The following MAN2A1 variants were observed in gnomAD, a reference collection of about 807,000 sequenced individuals.
MAN2A1 encodes the protein mannosidase alpha class 2A member 1.
Under a neutral mutation model 142.6 loss-of-function variants are expected in MAN2A1, and 76 were observed. The ratio of observed to expected loss-of-function variants is 0.53; its 90% CI spans 0.44 to 0.65. The LOEUF is 0.65. MAN2A1 is among the 30% of genes least tolerant of loss of function. The probability of loss-of-function intolerance (pLI) is 0.00; values close to 1 mark genes in which losing one functional copy is unlikely to be tolerated. For synonymous variants in MAN2A1, 559 were observed against 473.2 expected, an observed-to-expected ratio of 1.18 and a Z score of -2.35; for missense variants, 1,311 against 1,365.1, an observed-to-expected ratio of 0.96 and a Z score of 0.62.
intron 15 of MAN2A1, among the ~76,000 whole-genome samples, chr5:109,822,024 A>G (rs1754637357): frequency 6.6e-6 from 1 of 151,950 alleles, no homozygotes; most frequent in Admixed American, 6.6e-5. Flanking sequence ...CTATCTCCTG[A>G]AAAAGTTACT....
chr5:109,770,653 G>T lies in MAN2A1; in HGVS notation c.1196+112G>T, dbSNP rs1753121828. Reference sequence around the variant, plus strand: ...TTATTAGCCAACATTATCCTTGTTTGAAGTATTCATTCAAACCAGATCTAA... The same window carrying T: ...TTATTAGCCAACATTATCCTTGTTTTAAGTATTCATTCAAACCAGATCTAA... On this transcript the variant is annotated intron_variant, in intron 7 of 21. Transcript: ENST00000261483. The T allele has an allele frequency of 3.1e-6, 3 of 954,762 alleles. No individual in the cohort carries two copies. In the African/African-American group the frequency reaches 4.9e-5, roughly 16 times the overall value. The allele number at this position is 954,762 out of a possible 1,614,324, so 59.1% of individuals were successfully genotyped here.
At chr5:109,855,418 TG>T (rs1244946940) in intron 20 of MAN2A1, 84 bp downstream of exon 20, 1 of 837,666 alleles carries the variant, frequency 1.2e-6, no homozygotes, top group African/African-American at 1.8e-5. Flanking sequence ...AAAAAAATAA[TG>T]TATGCTTTAC....
At chr5:109,735,362 G>A (rs1476639264) in intron 4 of MAN2A1, among the ~76,000 whole-genome samples, 1 of 152,134 alleles carries the variant, frequency 6.6e-6, no homozygotes, top group Non-Finnish European at 1.5e-5. Flanking sequence ...GGAGCATTTA[G>A]TCTATTTACA....
At chr5:109,800,762 G>T (rs1754007359) in intron 12 of MAN2A1, among the ~76,000 whole-genome samples, 1 of 152,242 alleles carries the variant, frequency 6.6e-6, no homozygotes, top group South Asian at 2.1e-4. Flanking sequence ...AAGATGACTT[G>T]TTTGAATTGA....
intron 4 of MAN2A1, among the ~76,000 whole-genome samples, chr5:109,730,829 C>T (rs1482092827): frequency 6.6e-6 from 1 of 152,108 alleles, no homozygotes; most frequent in Non-Finnish European, 1.5e-5. Context: ...CCATGTAGTC[C>T]AGGCTGTCCA....
intron 20 of MAN2A1, among the ~76,000 whole-genome samples, chr5:109,859,167 A>C (rs374297449): frequency 6.2e-4 from 95 of 152,356 alleles, no homozygotes; most frequent in African/African-American, 2.2e-3. Context: ...AAAATCACCC[A>C]GTGGTAAATG....
At chr5:109,802,606 C>T (rs1032791023) in intron 12 of MAN2A1, among the ~76,000 whole-genome samples, 4 of 152,182 alleles carry the variant, frequency 2.6e-5, no homozygotes, top group African/African-American at 7.2e-5. Context: ...ACTTGGGTGC[C>T]TCAGCTTTTC....
At chr5:109,733,219 C>G (rs1008429890) in intron 4 of MAN2A1, among the ~76,000 whole-genome samples, 1 of 152,042 alleles carries the variant, frequency 6.6e-6, no homozygotes, top group Non-Finnish European at 1.5e-5. Flanking sequence ...ATTTTGTATC[C>G]TGAGACTTGC....
chr5:109,837,723 G>T (rs901147684), intron 16 of MAN2A1, among the ~76,000 whole-genome samples: 1 of 152,132 alleles, frequency 6.6e-6, no homozygotes, highest in Non-Finnish European at 1.5e-5. Flanking sequence ...TACGTTTATT[G>T]TACATGTCTA....
chr5:109,714,395 A>C (rs1413124843), intron 2 of MAN2A1, among the ~76,000 whole-genome samples: 4 of 152,226 alleles, frequency 2.6e-5, no homozygotes, highest in Non-Finnish European at 5.9e-5. Context: ...TTATGAGTTA[A>C]GATAATATTT....
chr5:109,759,754 C>T (rs1276364577), intron 5 of MAN2A1, among the ~76,000 whole-genome samples: 1 of 151,974 alleles, frequency 6.6e-6, no homozygotes, highest in Non-Finnish European at 1.5e-5. Flanking sequence ...ACATTTTTGC[C>T]AGTGTTTGCT....
intron 4 of MAN2A1, among the ~76,000 whole-genome samples, chr5:109,735,392 T>C (rs1752059781): frequency 6.6e-6 from 1 of 152,354 alleles, no homozygotes; most frequent in East Asian, 1.9e-4. Flanking sequence ...AATATTGTTA[T>C]GTGTGAATTT....
At chr5:109,733,379 G>T (rs1751979997) in intron 4 of MAN2A1, among the ~76,000 whole-genome samples, 1 of 152,084 alleles carries the variant, frequency 6.6e-6, no homozygotes, top group African/African-American at 2.4e-5. Flanking sequence ...AATTTCCCTG[G>T]CCAGAACTTC....
At chr5:109,737,853 G>A (rs76888346) in intron 4 of MAN2A1, among the ~76,000 whole-genome samples, 2,812 of 152,278 alleles carry the variant, frequency 0.018, 34 homozygotes, top group Middle Eastern at 0.071. Context: ...GGGTGTATTG[G>A]AAGGAGTATA....
At chr5:109,752,060 T>C (rs1219847682) in intron 4 of MAN2A1, among the ~76,000 whole-genome samples, 2 of 152,178 alleles carry the variant, frequency 1.3e-5, no homozygotes, top group African/African-American at 4.8e-5. Flanking sequence ...TTGCACTGTT[T>C]GTGTATTAAT....
chr5:109,835,043 T>C lies in MAN2A1; in HGVS notation c.2567-7285T>C, dbSNP rs935765827. Among the ~76,000 whole-genome samples the C allele has an allele frequency of 2.0e-5, 3 of 152,198 alleles. No individual in the cohort carries two copies. In the East Asian group the frequency reaches 5.8e-4, roughly 29 times the overall value. ...CATTTAGATGTTGACTTACTCAGTT[T>C]GTCATTGTTGTGAGAATTTCATATA... On this transcript the variant is annotated intron_variant, in intron 16 of 21. Transcript: ENST00000261483.
chr5:109,705,125 G>A (rs1264807191), intron 1 of MAN2A1, among the ~76,000 whole-genome samples: 5 of 151,950 alleles, frequency 3.3e-5, no homozygotes. Context: ...AAAACTCAAT[G>A]CCAATTTTTT....
At chr5:109,705,848 G>C (rs1265544070) in intron 1 of MAN2A1, among the ~76,000 whole-genome samples, 1 of 152,146 alleles carries the variant, frequency 6.6e-6, no homozygotes, top group Non-Finnish European at 1.5e-5. Context: ...TCCAGCAATA[G>C]CATCATTCTG....
chr5:109,862,232 C>T (rs1755776300), intron 20 of MAN2A1: 1 of 152,130 alleles, frequency 6.6e-6, no homozygotes, highest in African/African-American at 2.4e-5. Flanking sequence ...TTGGTCTGAT[C>T]CAGCTTTCTC....
Sources: gnomAD v4.1 joint callset for allele counts (sites outside exome capture counted in the v4.1 genomes callset) on GRCh38, gnomAD v4.1.1 for gene constraint, MANE v1.5 for transcripts, NCBI Gene and HGNC (gene_info 2026-07-23, HGNC 2026-07-21) for gene names.